Variants in UBR3 observed in about 807,000 individuals in gnomAD.
UBR3 encodes the protein ubiquitin protein ligase E3 component n-recognin 3.
UBR3 carries 85 observed loss-of-function variants against 243.2 expected under a neutral mutation model. That is an observed-to-expected ratio of 0.35 (90% CI 0.29 to 0.42). The LOEUF is 0.42. UBR3 is among the 10% of genes least tolerant of loss of function. The pLI is 1.00. For synonymous variants in UBR3, 748 were observed against 799.8 expected (o/e 0.94, Z 1.09); for missense variants, 1,686 against 2,300.8 (o/e 0.73, Z 5.47).
At chr2:169,880,226 G>T (rs2083770925) in intron 5 of UBR3, among the ~76,000 whole-genome samples, 1 of 152,094 alleles carries the variant, frequency 6.6e-6, no homozygotes. Context: ...AAATGGTTTG[G>T]TCATTGTTCA....
At chr2:169,937,925 A>G (rs2086408110) in intron 19 of UBR3, among the ~76,000 whole-genome samples, 4 of 152,186 alleles carry the variant, frequency 2.6e-5, no homozygotes, top group Admixed American at 6.5e-5. Context: ...TATTGGTGCT[A>G]TTATTCTGTA....
At chr2:169,952,813 G>A (rs547979925) in intron 23 of UBR3, among the ~76,000 whole-genome samples, 16 of 152,168 alleles carry the variant, frequency 1.1e-4, no homozygotes, top group South Asian at 6.2e-4. Flanking sequence ...ATTTGTTTCC[G>A]TGGGAGAAAG....
Position 170,080,627 on chromosome 2 carries a change from T to C in UBR3, c.5492T>C (p.Phe1831Ser). 2 of 1,614,060 alleles carry C rather than the reference T, an allele frequency of 1.2e-6. No homozygotes were observed. The highest frequency in any genetic ancestry group is 1.7e-6 in the Non-Finnish European group (2 of 1,179,946). The change falls in exon 38 of 39, where the codon TTC becomes TCC. Residue 1831 changes from phenylalanine (F) to serine (S), a missense_variant. Around this residue, in one of 8 missense-constraint regions of UBR3, gnomAD observed 89 missense variants for 183.3 expected, o/e 0.49. Coordinates refer to ENST00000272793, the MANE Select transcript of UBR3 (RefSeq NM_172070.4). ...SVIIIIRGHR[F>S]CLWGSVYLDA... Reference sequence around the variant, plus strand: ...ATTATCATCATTCGAGGTCACCGCTTCTGCCTCTGGGGTTCCGTGTATTTG... The same window carrying C: ...ATTATCATCATTCGAGGTCACCGCTCCTGCCTCTGGGGTTCCGTGTATTTG...
intron 24 of UBR3, among the ~76,000 whole-genome samples, chr2:169,978,303 G>A (rs1198668529): frequency 1.3e-5 from 2 of 152,104 alleles, no homozygotes; most frequent in East Asian, 1.9e-4. Context: ...GGGCTGTGGG[G>A]CCTGGGTTTC....
intron 19 of UBR3, among the ~76,000 whole-genome samples, chr2:169,941,056 A>G (rs2086563352): frequency 6.6e-6 from 1 of 152,180 alleles, no homozygotes; most frequent in Non-Finnish European, 1.5e-5. Flanking sequence ...ATGATTCAGG[A>G]TCACCTGAAG....
chr2:169,899,013 T>C (rs2084706943), intron 8 of UBR3, among the ~76,000 whole-genome samples: 1 of 144,762 alleles, frequency 6.9e-6, no homozygotes, highest in South Asian at 2.2e-4. Context: ...AGTTTCACTC[T>C]TGTTGCCTAG....
chr2:170,028,195 AT>A (rs1355103239), intron 30 of UBR3, among the ~76,000 whole-genome samples: 1 of 151,834 alleles, frequency 6.6e-6, no homozygotes, highest in African/African-American at 2.4e-5. Context: ...AGAGTAGAAC[AT>A]TTATTTTACT....
chr2:169,835,993 G>GTCTTTCTCTC (rs1553487579), intron 1 of UBR3, among the ~76,000 whole-genome samples: 2 of 30,738 alleles, frequency 6.5e-5, no homozygotes, highest in Non-Finnish European at 1.2e-4. Flanking sequence ...TGTGTGCACT[G>GTCTTTCTCTC]TCTCTCTCTC....
At chr2:169,996,694 T>TTG (rs1384849630) in intron 26 of UBR3, among the ~76,000 whole-genome samples, 3 of 6,852 alleles carry the variant, frequency 4.4e-4, no homozygotes, top group South Asian at 0.02. Context: ...TGGACTTTTG[T>TTG]TTTTTTTTTT....
At chr2:170,007,930 TA>T (rs1346453180) in intron 28 of UBR3, among the ~76,000 whole-genome samples, 18 of 152,294 alleles carry the variant, frequency 1.2e-4, no homozygotes, top group African/African-American at 4.3e-4. Context: ...TGTGTGTGTG[TA>T]TGTATCTCAA....
At position 169,914,290 on chromosome 2, in the gene UBR3, A is replaced by C. The variant is rs148667537; in HGVS notation, c.1866+144A>C. 519 of 402,076 alleles carry C rather than the reference A, an allele frequency of 1.3e-3. 2 individuals are homozygous for C. The highest frequency in any genetic ancestry group is 0.01 in the African/African-American group (488 of 48,166). 24.9% of individuals were successfully genotyped at this position (402,076 alleles called of 1,614,324 possible). A position where few individuals can be genotyped will look rare whatever the true frequency, so the allele number is the denominator to read the frequency against. ...GTAATGAACATATTATTAGGCTTTG[A>C]AAAAGAAATCTAAAGGGGAGACTAG... On this transcript the variant is annotated intron_variant, in intron 11 of 38. Transcript: ENST00000272793.
chr2:170,084,005 G>A lies in UBR3; in HGVS notation c.*2162G>A, dbSNP rs2091943621. 6.6e-6 allele frequency: 1 copy of A among 152,510 alleles called. No individual in the cohort carries two copies. The highest frequency in any genetic ancestry group is 1.5e-5 in the Non-Finnish European group (1 of 67,990). The allele number at this position is 152,510 out of a possible 1,614,324, so 9.4% of individuals were successfully genotyped here. ...TTGTATGAATGATCATTTAAATACA[G>A]TACATTACTGTAGAAGCTAAATTGA... On this transcript the variant is annotated 3_prime_UTR_variant, in exon 39 of 39. Coordinates refer to ENST00000272793, the MANE Select transcript of UBR3 (RefSeq NM_172070.4).
At chr2:169,836,588 A>G (rs903382596) in intron 1 of UBR3, among the ~76,000 whole-genome samples, 4 of 151,782 alleles carry the variant, frequency 2.6e-5, no homozygotes, top group African/African-American at 9.7e-5. Context: ...CACCACAGCA[A>G]CCATTTACCT....
At chr2:169,895,146 A>G (rs1323969449) in intron 6 of UBR3, 35 bp from the exon 7 acceptor site, 26 of 1,478,438 alleles carry the variant, frequency 1.8e-5, no homozygotes, top group Middle Eastern at 3.8e-4. Flanking sequence ...AGCAACTTCA[A>G]TCATTAACTG....
chr2:169,914,043 A>G lies in UBR3; in HGVS notation c.1780-17A>G. The G allele has an allele frequency of 6.9e-6, 9 of 1,302,240 alleles. No individual in the cohort carries two copies. Among genetic ancestry groups the G allele is most frequent in the Non-Finnish European group, 9.2e-6 (9 of 977,338 alleles). The allele number at this position is 1,302,240 out of a possible 1,614,324, so 80.7% of individuals were successfully genotyped here. ...TTTATATATCATAAATTTATTATAT[A>G]TAACTTACTATTTTAGGAAACTCAA... On this transcript the variant is annotated splice_polypyrimidine_tract_variant and intron_variant, in intron 10 of 38. Coordinates refer to ENST00000272793, the MANE Select transcript of UBR3 (RefSeq NM_172070.4).
At chr2:169,971,602 T>C (rs886756981) in intron 24 of UBR3, among the ~76,000 whole-genome samples, 1 of 152,128 alleles carries the variant, frequency 6.6e-6, no homozygotes, top group African/African-American at 2.4e-5. Context: ...CCATTGCTTG[T>C]TTTTCTCAGG....
In UBR3 at chr2:169,964,481, G is replaced by T. The variant is rs746947388; in HGVS notation, c.3634+5955G>T. 3.0e-5 allele frequency: 14 copies of T among 468,874 alleles called. 1 individual carries two copies. The highest frequency in any genetic ancestry group is 2.2e-4 in the South Asian group (14 of 63,936). 29.0% of individuals were successfully genotyped at this position (468,874 alleles called of 1,614,324 possible). A position where few individuals can be genotyped will look rare whatever the true frequency, so the allele number is the denominator to read the frequency against. ...TGGTATTGCCTTGAATAAGAGAATG[G>T]TCACCTTATCCTCTGAGGAAACTGG... is the stretch of plus-strand genomic sequence containing the variant. On this transcript the variant is annotated intron_variant, in intron 24 of 38. Coordinates refer to ENST00000272793, the MANE Select transcript of UBR3 (RefSeq NM_172070.4).
intron 1 of UBR3, among the ~76,000 whole-genome samples, chr2:169,871,307 A>C (rs2083430110): frequency 6.6e-6 from 1 of 152,056 alleles, no homozygotes; most frequent in Non-Finnish European, 1.5e-5. Flanking sequence ...AAAATAAAAA[A>C]ATTAGCCAGA....
At chr2:169,969,975 G>A (rs1446234575) in intron 24 of UBR3, among the ~76,000 whole-genome samples, 2 of 138,454 alleles carry the variant, frequency 1.4e-5, no homozygotes, top group Non-Finnish European at 3.1e-5. Flanking sequence ...GATTGCTTTG[G>A]CTATTCAGGA....
Sources: gnomAD v4.1 joint callset for allele counts (sites outside exome capture counted in the v4.1 genomes callset) on GRCh38, gnomAD v4.1.1 for gene constraint, gnomAD v4.1.1 regional missense constraint, MANE v1.5 for transcripts, NCBI Gene and HGNC (gene_info 2026-07-23, HGNC 2026-07-21) for gene names.